The following ITPR1 variants were observed in gnomAD, a reference collection of about 807,000 sequenced individuals.
The protein encoded by ITPR1 is inositol 1,4,5-trisphosphate receptor type 1.
Under a neutral mutation model 318.4 loss-of-function variants are expected in ITPR1, and 96 were observed. The observed-to-expected ratio is 0.30, with a 90% CI of 0.26 to 0.36. ITPR1 has a LOEUF of 0.36. Among genes scored for constraint, ITPR1 ranks in the 10% least tolerant of loss-of-function variants. The pLI is 1.00. For synonymous variants in ITPR1, 1,312 were observed against 1,289.9 expected, an observed-to-expected ratio of 1.02 and a Z score of -0.37; for missense variants, 2,440 against 3,460.2, an observed-to-expected ratio of 0.71 and a Z score of 7.40.
intron 4 of ITPR1, among the ~76,000 whole-genome samples, chr3:4,613,396 CT>C (rs2092245392): frequency 6.6e-6 from 1 of 152,180 alleles, no homozygotes; most frequent in African/African-American, 2.4e-5. Flanking sequence ...CCCAGCTTGA[CT>C]TTTCCCTTTA....
rs376659557 is a variant in ITPR1 at position 4,800,394 on chromosome 3, T to C, written c.6932-31T>C. 19 of 1,606,316 alleles carry C rather than the reference T, an allele frequency of 1.2e-5. No homozygotes were observed. In the African/African-American group the frequency reaches 2.3e-4, roughly 19 times the overall value. On this transcript the variant is annotated intron_variant, in intron 53 of 61. Transcript: ENST00000649015. ...CCCCTGTACTCAGTGAAGGCACAGA[T>C]TTGTGAGAGAACCCTGTTTTGTCCT...
intron 44 of ITPR1, among the ~76,000 whole-genome samples, chr3:4,747,405 C>G (rs1342832901): frequency 6.6e-6 from 1 of 152,210 alleles, no homozygotes; most frequent in Non-Finnish European, 1.5e-5. Flanking sequence ...AGTTTGTAAC[C>G]TCTCTACCAT....
At chr3:4,587,566 C>T (rs6791713) in intron 4 of ITPR1, among the ~76,000 whole-genome samples, 27,714 of 152,028 alleles carry the variant, frequency 0.18, 3,385 homozygotes, top group South Asian at 0.39. Flanking sequence ...CCACCCTGCC[C>T]GGCCCACACT....
chr3:4,653,782 G>A (rs1461913796), intron 11 of ITPR1, 60 bp from the exon 12 acceptor site: 6 of 1,265,954 alleles, frequency 4.7e-6, no homozygotes, highest in South Asian at 1.3e-5. Context: ...CCTGCAAGTG[G>A]GGCCCAGTCC....
intron 56 of ITPR1, 117 bp downstream of exon 56, chr3:4,811,577 C>A: frequency 2.7e-6 from 2 of 743,312 alleles, no homozygotes; most frequent in Non-Finnish European, 4.3e-6. Flanking sequence ...ATCTCCCTAA[C>A]ACGCAGAGTG....
chr3:4,835,426 GTTGT>G (rs1245994985), intron 60 of ITPR1, among the ~76,000 whole-genome samples: 1 of 152,146 alleles, frequency 6.6e-6, no homozygotes, highest in East Asian at 1.9e-4. Context: ...TTATTTACTG[GTTGT>G]TTGGGGGGTA....
At chr3:4,726,979 G>A in intron 41 of ITPR1, 147 bp from the exon 42 acceptor site, 1 of 638,812 alleles carries the variant, frequency 1.6e-6, no homozygotes, top group South Asian at 2.0e-5. Context: ...GGATATACGG[G>A]GGAAAAACAA....
chr3:4,570,753 C>A (rs1176302181), intron 4 of ITPR1, among the ~76,000 whole-genome samples: 1 of 152,174 alleles, frequency 6.6e-6, no homozygotes, highest in Non-Finnish European at 1.5e-5. Context: ...TTTTGGGGAG[C>A]CAAGTTGTCC....
chr3:4,687,386 T>C (rs1221610532), intron 30 of ITPR1, among the ~76,000 whole-genome samples: 1 of 152,220 alleles, frequency 6.6e-6, no homozygotes, highest in Non-Finnish European at 1.5e-5. Flanking sequence ...TGTGCACTTT[T>C]GTTATCTCCT....
At chr3:4,606,898 G>C (rs921263663) in intron 4 of ITPR1, among the ~76,000 whole-genome samples, 8 of 152,146 alleles carry the variant, frequency 5.3e-5, no homozygotes, top group African/African-American at 1.9e-4. Context: ...GAAGAGTGCT[G>C]CATGGTTTAC....
At chr3:4,616,186 C>A (rs2092381569) in intron 4 of ITPR1, among the ~76,000 whole-genome samples, 1 of 152,180 alleles carries the variant, frequency 6.6e-6, no homozygotes, top group African/African-American at 2.4e-5. Flanking sequence ...GTGTTAACTG[C>A]AATTTTAGAT....
intron 37 of ITPR1, among the ~76,000 whole-genome samples, chr3:4,706,714 C>T (rs1480932895): frequency 1.3e-5 from 2 of 152,166 alleles, no homozygotes; most frequent in African/African-American, 4.8e-5. Flanking sequence ...CTTGAATCAG[C>T]AGGTGAACAA....
At position 4,653,842 on chromosome 3, in the gene ITPR1, G is replaced by C; in HGVS notation, c.952G>C (p.Val318Leu). The part of the protein sequence containing the change: ...LATGHYLAAE[V>L]DPDFEEECLE... ...TTTCCTAATGATTCTTTTTCATCAG[G>C]TAGACCCTGACTTTGAGGAAGAATG... The change falls in exon 12 of 62, where the codon GTA (valine) becomes CTA (leucine). Residue 318 changes from valine to leucine, a missense_variant and splice_region_variant. By Grantham distance (32) the Val-to-Leu change is conservative (BLOSUM62 1). Coordinates refer to ENST00000649015, the MANE Select transcript of ITPR1 (RefSeq NM_001378452.1). 6.2e-7 allele frequency: 1 copy of C among 1,608,292 alleles called. No individual in the cohort carries two copies. The highest frequency in any genetic ancestry group is 8.5e-7 in the Non-Finnish European group (1 of 1,176,086).
chr3:4,697,367 A>C (rs2125256149), intron 34 of ITPR1, 95 bp downstream of exon 34: 1 of 1,185,578 alleles, frequency 8.4e-7, no homozygotes, highest in East Asian at 2.7e-5. Flanking sequence ...ATCTTTGTGC[A>C]CACATGAAGA....
chr3:4,705,190 A>T (rs975620203), intron 36 of ITPR1, among the ~76,000 whole-genome samples: 1 of 152,222 alleles, frequency 6.6e-6, no homozygotes, highest in African/African-American at 2.4e-5. Flanking sequence ...ACATTTTCCC[A>T]TATGGAAAAG....
intron 3 of ITPR1, among the ~76,000 whole-genome samples, chr3:4,518,026 C>G (rs1424831220): frequency 4.6e-5 from 7 of 152,208 alleles, no homozygotes; most frequent in Non-Finnish European, 1.0e-4. Context: ...AACTTTTGAG[C>G]TTCAGAGAGG....
At chr3:4,707,424 A>G (rs1044418237) in intron 37 of ITPR1, among the ~76,000 whole-genome samples, 1 of 152,240 alleles carries the variant, frequency 6.6e-6, no homozygotes, top group African/African-American at 2.4e-5. Flanking sequence ...ACATCTCCAT[A>G]TAGCCTGGGC....
In ITPR1 at chr3:4,735,155, T is replaced by C; in HGVS notation, c.5354-9T>C. ...TGTGCTTAGTAAAAACAATATTCCA[T>C]CTTCTTAGGGGGAGGTTCCGGATCC... On this transcript the variant is annotated splice_polypyrimidine_tract_variant and intron_variant, in intron 43 of 61. Coordinates refer to ENST00000649015, the MANE Select transcript of ITPR1 (RefSeq NM_001378452.1). 1.2e-6 allele frequency: 2 copies of C among 1,608,778 alleles called. No individual in the cohort carries two copies. The highest frequency in any genetic ancestry group is 2.2e-5 in the East Asian group (1 of 44,782).
intron 46 of ITPR1, among the ~76,000 whole-genome samples, chr3:4,774,807 T>C (rs908259833): frequency 2.0e-5 from 3 of 152,240 alleles, no homozygotes; most frequent in African/African-American, 7.2e-5. Flanking sequence ...TATGGTGAAC[T>C]GTCCCTAGTG....
Sources: allele counts gnomAD v4.1 joint callset (sites outside exome capture counted in the v4.1 genomes callset), GRCh38; gene constraint gnomAD v4.1.1; transcripts MANE v1.5; gene names NCBI Gene and HGNC (gene_info 2026-07-23, HGNC 2026-07-21).